The following SLC9C1 variants were observed in gnomAD, a reference collection of about 807,000 sequenced individuals.
SLC9C1 encodes solute carrier family 9 member C1.
In SLC9C1, 97 loss-of-function variants were observed where a neutral mutation model predicts 140.9. The ratio of observed to expected loss-of-function variants is 0.69; its 90% CI spans 0.58 to 0.82. The LOEUF is 0.82. Among genes scored for constraint, SLC9C1 ranks in the 40% least tolerant of loss-of-function variants. SLC9C1 has a pLI of 0.00. For synonymous variants in SLC9C1, 440 were observed against 442.6 expected (o/e 0.99, Z 0.07); for missense variants, 1,340 against 1,389.3 (o/e 0.96, Z 0.56).
At chr3:112,267,765 C>A (rs1174283614) in intron 7 of SLC9C1, among the ~76,000 whole-genome samples, 2 of 151,778 alleles carry the variant, frequency 1.3e-5, no homozygotes, top group Non-Finnish European at 2.9e-5. Context: ...TTAGTCCTGG[C>A]TGAAAATGGT....
At chr3:112,251,519 A>T (rs572679033) in intron 10 of SLC9C1, among the ~76,000 whole-genome samples, 3 of 152,304 alleles carry the variant, frequency 2.0e-5, no homozygotes, top group African/African-American at 7.2e-5. Flanking sequence ...AAAGTCAGAG[A>T]TTAGACTCCT....
At chr3:112,186,101 G>A in intron 20 of SLC9C1, 1 of 822,356 alleles carries the variant, frequency 1.2e-6, no homozygotes, top group South Asian at 2.1e-5. Context: ...TTTCTGTCTT[G>A]TTCTTACTGA....
intron 28 of SLC9C1, among the ~76,000 whole-genome samples, chr3:112,149,483 A>G (rs2074897176): frequency 6.6e-6 from 1 of 151,442 alleles, no homozygotes; most frequent in Non-Finnish European, 1.5e-5. Flanking sequence ...CTATACCATG[A>G]TCTATGTGCA....
In SLC9C1 at chr3:112,286,122, A is replaced by G. The variant is rs148987612; in HGVS notation, c.88+582T>C. On this transcript the variant is annotated intron_variant, in intron 2 of 28. Coordinates refer to ENST00000305815, the MANE Select transcript of SLC9C1 (RefSeq NM_183061.3). ...GCTATATCAAAAGCTTTGAAATAAAATTTTTATAATACTGTGAAAAAAATT... is the reference window on the plus strand; with the variant it reads ...GCTATATCAAAAGCTTTGAAATAAAGTTTTTATAATACTGTGAAAAAAATT... 4.0e-5 allele frequency among the ~76,000 whole-genome samples: 6 copies of G among 151,604 alleles called. No individual in the cohort carries two copies. In the East Asian group the frequency reaches 1.2e-3, roughly 29 times the overall value.
Position 112,202,287 on chromosome 3 carries a change from A to G in SLC9C1, c.2285T>C (p.Ile762Thr), listed in dbSNP as rs1233481988. The G allele has an allele frequency of 1.2e-6, 2 of 1,611,522 alleles. No individual in the cohort carries two copies. The highest frequency in any genetic ancestry group is 1.3e-5 in the African/African-American group (1 of 74,904). The stretch of plus-strand genomic sequence containing the variant: ...TTTAGAACTTGTAATCTGATCAATT[A>G]TGGTCATTATGTCTGCTTCGCCTTG... ...YVQGEADIMT[I>T]IDQITSSKQI... The change falls in exon 18 of 29, where the codon ATA becomes ACA. Residue 762 changes from isoleucine (I) to threonine (T), a missense_variant. Physicochemically the swap from Ile to Thr is moderately conservative, Grantham distance 89 (BLOSUM62 -1). Coordinates refer to ENST00000305815, the MANE Select transcript of SLC9C1 (RefSeq NM_183061.3).
intron 20 of SLC9C1, among the ~76,000 whole-genome samples, chr3:112,183,092 T>C (rs1048146514): frequency 3.9e-5 from 6 of 152,228 alleles, no homozygotes; most frequent in Non-Finnish European, 8.8e-5. Context: ...CATATTTCTA[T>C]TGAGTATATG....
At chr3:112,203,563 T>A (rs1345983113) in intron 17 of SLC9C1, among the ~76,000 whole-genome samples, 1 of 152,044 alleles carries the variant, frequency 6.6e-6, no homozygotes, top group Non-Finnish European at 1.5e-5. Flanking sequence ...CTATGTTTTA[T>A]TTAACTGTAT....
intron 13 of SLC9C1, among the ~76,000 whole-genome samples, chr3:112,226,093 C>T (rs2078675094): frequency 6.6e-6 from 1 of 152,170 alleles, no homozygotes; most frequent in African/African-American, 2.4e-5. Flanking sequence ...AATACATGTT[C>T]TTCTCATCAG....
intron 28 of SLC9C1, among the ~76,000 whole-genome samples, chr3:112,146,086 CAT>C (rs1307579640): frequency 6.6e-6 from 1 of 152,072 alleles, no homozygotes; most frequent in Non-Finnish European, 1.5e-5. Context: ...ATTTCTTCTA[CAT>C]TTTCTAGTTT....
intron 15 of SLC9C1, among the ~76,000 whole-genome samples, chr3:112,211,816 T>C (rs936726079): frequency 1.1e-4 from 16 of 152,212 alleles, no homozygotes; most frequent in African/African-American, 3.6e-4. Context: ...CAGAAACCTC[T>C]GCAGACTTAA....
intron 1 of SLC9C1, among the ~76,000 whole-genome samples, chr3:112,287,931 T>G (rs1030713812): frequency 6.6e-6 from 1 of 150,394 alleles, no homozygotes; most frequent in Non-Finnish European, 1.5e-5. Context: ...TAGTCCTAGC[T>G]ACTCGGGAGG....
chr3:112,267,436 C>T lies in SLC9C1; in HGVS notation c.776-1096G>A, dbSNP rs537529015. 6.6e-5 allele frequency among the ~76,000 whole-genome samples: 10 copies of T among 151,710 alleles called. No individual in the cohort carries two copies. In the South Asian group the frequency reaches 2.1e-3, roughly 32 times the overall value. ...CTAAAAATATAAAAAATTAGCCGGGCGTCGTGGCGGGCACCTGTAGTCCCA... is the reference window on the plus strand; with the variant it reads ...CTAAAAATATAAAAAATTAGCCGGGTGTCGTGGCGGGCACCTGTAGTCCCA... On this transcript the variant is annotated intron_variant, in intron 7 of 28. Transcript: ENST00000305815.
At chr3:112,232,488 A>T (rs2078855341) in intron 12 of SLC9C1, among the ~76,000 whole-genome samples, 1 of 152,210 alleles carries the variant, frequency 6.6e-6, no homozygotes, top group Non-Finnish European at 1.5e-5. Flanking sequence ...TCCTGGCAGT[A>T]TTCCTGCAGG....
At chr3:112,240,062 G>A (rs879124553) in intron 11 of SLC9C1, 56 bp from the exon 12 acceptor site, 3 of 1,468,706 alleles carry the variant, frequency 2.0e-6, no homozygotes, top group East Asian at 2.3e-5. Flanking sequence ...TTTGATATGG[G>A]TTAGAAAGCT....
intron 14 of SLC9C1, 93 bp downstream of exon 14, chr3:112,221,035 C>G: frequency 1.0e-6 from 1 of 969,864 alleles, no homozygotes; most frequent in Non-Finnish European, 1.6e-6. Context: ...GTAGAGGGAG[C>G]CAAGTTACCA....
intron 20 of SLC9C1, among the ~76,000 whole-genome samples, chr3:112,197,521 G>A (rs1010236923): frequency 6.6e-6 from 1 of 152,006 alleles, no homozygotes; most frequent in Non-Finnish European, 1.5e-5. Flanking sequence ...GGTGCTGAGG[G>A]GTGAGGAGTA....
chr3:112,275,346 A>G (rs2080185546), intron 5 of SLC9C1, among the ~76,000 whole-genome samples: 1 of 152,198 alleles, frequency 6.6e-6, no homozygotes, highest in African/African-American at 2.4e-5. Flanking sequence ...ACAGAAAATG[A>G]TGATTGAGGA....
chr3:112,226,689 T>A (rs2078690885), intron 13 of SLC9C1, among the ~76,000 whole-genome samples: 2 of 150,668 alleles, frequency 1.3e-5, no homozygotes, highest in African/African-American at 4.9e-5. Context: ...ACCACTGCAA[T>A]CCAGCCTGGG....
chr3:112,240,403 A>G (rs2079110123), intron 11 of SLC9C1, among the ~76,000 whole-genome samples: 2 of 152,228 alleles, frequency 1.3e-5, no homozygotes, highest in Non-Finnish European at 2.9e-5. Context: ...CAGGGTGCCC[A>G]TATATTCAGT....
Sources: allele counts gnomAD v4.1 joint callset (sites outside exome capture counted in the v4.1 genomes callset), GRCh38; gene constraint gnomAD v4.1.1; transcripts MANE v1.5; gene names NCBI Gene and HGNC (gene_info 2026-07-23, HGNC 2026-07-21).